Variants in C5 observed in about 807,000 individuals in gnomAD.
The protein encoded by C5 is complement C5, also known as C3 and PZP-like alpha-2-macroglobulin domain-containing protein 4.
In C5, 140 loss-of-function variants were observed where a neutral mutation model predicts 218.8. The observed-to-expected ratio is 0.64, with a 90% CI of 0.56 to 0.74. The LOEUF is 0.74. Ranked by LOEUF, C5 falls within the 30% of genes least tolerant of loss-of-function variation. C5 has a pLI of 0.00. For synonymous variants in C5, 614 were observed against 682.3 expected (o/e 0.90, Z 1.56); for missense variants, 1,700 against 1,969.6 (o/e 0.86, Z 2.59).
At chr9:120,963,506 A>G (rs77914593) in intron 34 of C5, 130 bp downstream of exon 34, 2 of 594,592 alleles carry the variant, frequency 3.4e-6, no homozygotes, top group South Asian at 2.2e-5. Flanking sequence ...TCCACCTCCA[A>G]AAAAAAAAAA....
intron 12 of C5, among the ~76,000 whole-genome samples, chr9:121,018,850 C>T (rs969312877): frequency 1.3e-5 from 2 of 151,872 alleles, no homozygotes; most frequent in African/African-American, 4.8e-5. Context: ...GGAACTTTAA[C>T]ATGTATTTAA....
chr9:121,026,301 G>A (rs2047422729), intron 8 of C5, among the ~76,000 whole-genome samples: 1 of 152,148 alleles, frequency 6.6e-6, no homozygotes, highest in Non-Finnish European at 1.5e-5. Context: ...ATAAGGGAAA[G>A]GGAACCAGCG....
chr9:120,953,849 T>C lies in C5; in HGVS notation c.4782A>G (p.Lys1594=). The C allele has an allele frequency of 6.2e-7, 1 of 1,614,118 alleles. No homozygotes were observed. Among genetic ancestry groups the C allele is most frequent in the Non-Finnish European group, 8.5e-7 (1 of 1,179,950 alleles). ...IYKTGEAVAE[K]DSEITFIKKV... is the part of the protein sequence containing the mutation. ...TTTTAATGAAGGTAATCTCAGAGTC[T>C]TTCTCAGCAACAGCTTCCCCTGAGA... The change falls in exon 40 of 41, where the codon AAA becomes AAG. Residue 1594 remains lysine (K), a synonymous_variant. Transcript: ENST00000223642.
chr9:121,072,704 G>A, the C5 span, among the ~76,000 whole-genome samples: 45 of 151,590 alleles, frequency 3.0e-4, no homozygotes, highest in Non-Finnish European at 5.9e-5. Flanking sequence ...TCCTCGGGAG[G>A]CTGAGGCAGG....
chr9:121,013,743 TG>T, intron 17 of C5, 129 bp downstream of exon 17: 1 of 865,010 alleles, frequency 1.2e-6, no homozygotes, highest in Non-Finnish European at 1.8e-6. Context: ...TTTTTTCTTA[TG>T]GACATTTACA....
At chr9:121,006,503 T>C (rs966256178) in intron 19 of C5, among the ~76,000 whole-genome samples, 1 of 152,160 alleles carries the variant, frequency 6.6e-6, no homozygotes, top group African/African-American at 2.4e-5. Flanking sequence ...CATTTATTTG[T>C]TTCTAACTCT....
the C5 span, among the ~76,000 whole-genome samples, chr9:121,058,445 A>C: frequency 1.4e-4 from 22 of 152,082 alleles, no homozygotes; most frequent in Non-Finnish European, 3.1e-4. Context: ...TGTATATATA[A>C]AATTTTTTTT....
At chr9:121,042,112 C>G (rs1382015005) in intron 3 of C5, among the ~76,000 whole-genome samples, 3 of 152,200 alleles carry the variant, frequency 2.0e-5, no homozygotes, top group Non-Finnish European at 4.4e-5. Context: ...AATGAAATTC[C>G]ATAGCCTCTC....
At chr9:120,964,371 C>A (rs751310175) in intron 33 of C5, among the ~76,000 whole-genome samples, 4 of 152,150 alleles carry the variant, frequency 2.6e-5, no homozygotes, top group Non-Finnish European at 4.4e-5. Flanking sequence ...ATCCTAACTA[C>A]AGGAGAATTG....
intron 9 of C5, among the ~76,000 whole-genome samples, chr9:121,024,813 C>G (rs10985130): frequency 1.3e-5 from 2 of 152,058 alleles, no homozygotes; most frequent in African/African-American, 4.8e-5. Context: ...CTGTCTTATA[C>G]CTGATGCTAA....
At chr9:121,008,300 T>C (rs915092061) in intron 18 of C5, 108 bp downstream of exon 18, 24 of 814,550 alleles carry the variant, frequency 2.9e-5, no homozygotes, top group Non-Finnish European at 4.6e-5. Flanking sequence ...TGCAGGATCA[T>C]CTTAACTCCT....
chr9:120,969,210 G>T, intron 32 of C5, 92 bp from the exon 33 acceptor site: 1 of 984,556 alleles, frequency 1.0e-6, no homozygotes, highest in Non-Finnish European at 1.6e-6. Flanking sequence ...TCATTAATGA[G>T]CAAATCTTTG....
chr9:121,003,087 T>A (rs2047185251), intron 20 of C5, among the ~76,000 whole-genome samples: 1 of 152,174 alleles, frequency 6.6e-6, no homozygotes, highest in Non-Finnish European at 1.5e-5. Context: ...GGTCAGGAGT[T>A]CGAGACCAGC....
intron 5 of C5, among the ~76,000 whole-genome samples, chr9:121,033,075 T>TAC (rs41308022): frequency 0.13 from 19,482 of 151,102 alleles, 1,352 homozygotes; most frequent in East Asian, 0.18. Context: ...CACATATATA[T>TAC]ACACACACAC....
At chr9:120,963,278 T>C (rs1256105193) in intron 34 of C5, among the ~76,000 whole-genome samples, 1 of 152,130 alleles carries the variant, frequency 6.6e-6, no homozygotes, top group Non-Finnish European at 1.5e-5. Flanking sequence ...CCAAAGCCAG[T>C]GGATCACCCT....
In C5 at chr9:121,005,926, C is replaced by T. The variant is rs1176789125; in HGVS notation, c.2555G>A (p.Gly852Glu). ...KGTVYNYRTS[G>E]MQFCVKMSAV... ...ATATTAACACCTACTTACCTGCATC[C>T]CAGAAGTCCTATAGTTGTAAACAGT... The change falls in exon 20 of 41, where the codon GGG (glycine) becomes GAG (glutamate). Residue 852 changes from glycine to glutamate, a missense_variant. Transcript: ENST00000223642. 3 of 1,613,358 alleles carry T rather than the reference C, an allele frequency of 1.9e-6. No individual in the cohort carries two copies. Among genetic ancestry groups the T allele is most frequent in the Middle Eastern group, 1.6e-4 (1 of 6,074 alleles).
intron 8 of C5, 47 bp from the exon 9 acceptor site, chr9:121,025,627 T>G: frequency 6.3e-7 from 1 of 1,577,852 alleles, no homozygotes; most frequent in Non-Finnish European, 8.7e-7. Context: ...GAAGAACTTA[T>G]AAGGAAAAAT....
At chr9:121,055,924 G>A in the C5 span, among the ~76,000 whole-genome samples, 17 of 152,314 alleles carry the variant, frequency 1.1e-4, no homozygotes, top group East Asian at 2.9e-3. Flanking sequence ...AGAGAGGGAA[G>A]AGAGAAAGAG....
chr9:120,963,677 A>G lies in C5; in HGVS notation c.4282T>C (p.Leu1428=), dbSNP rs755701648. ...GSSHAVMDIS[L]PTGISANEED... ...TCATTTGCACTGATTCCAGTAGGCAAGGAGATGTCCATCACCGCATGAGAG... is the reference window on the plus strand; with the variant it reads ...TCATTTGCACTGATTCCAGTAGGCAGGGAGATGTCCATCACCGCATGAGAG... The change falls in exon 34 of 41, where the codon TTG becomes CTG. Residue 1428 remains leucine, a synonymous_variant. Coordinates refer to ENST00000223642, the MANE Select transcript of C5 (RefSeq NM_001735.3). 18 of 1,613,846 alleles carry G rather than the reference A, an allele frequency of 1.1e-5. No homozygotes were observed. Among genetic ancestry groups the G allele is most frequent in the Non-Finnish European group, 1.5e-5 (18 of 1,179,848 alleles).
Sources: allele counts gnomAD v4.1 joint callset (sites outside exome capture counted in the v4.1 genomes callset), GRCh38; gene constraint gnomAD v4.1.1; transcripts MANE v1.5; gene names NCBI Gene and HGNC (gene_info 2026-07-23, HGNC 2026-07-21).